Variants in RABGAP1L observed in about 807,000 individuals in gnomAD.
RABGAP1L encodes RAB GTPase activating protein 1 like.
RABGAP1L carries 63 observed loss-of-function variants against 137.7 expected under a neutral mutation model. That is an observed-to-expected ratio of 0.46 (90% CI 0.37 to 0.56). The LOEUF is 0.56. Among genes scored for constraint, RABGAP1L ranks in the 20% least tolerant of loss-of-function variants. RABGAP1L has a pLI of 0.00. For missense variants in RABGAP1L, 1,095 were observed against 1,244.0 expected, an observed-to-expected ratio of 0.88 and a Z score of 1.80; for synonymous variants, 431 against 433.7, an observed-to-expected ratio of 0.99 and a Z score of 0.08.
intron 19 of RABGAP1L, among the ~76,000 whole-genome samples, chr1:174,867,451 A>G (rs1157304302): frequency 2.6e-5 from 4 of 152,212 alleles, no homozygotes; most frequent in Non-Finnish European, 5.9e-5. Flanking sequence ...CTAAGATAAG[A>G]GAAATATAGA....
intron 5 of RABGAP1L, among the ~76,000 whole-genome samples, chr1:174,242,726 C>A (rs1671929844): frequency 6.6e-6 from 1 of 152,114 alleles, no homozygotes; most frequent in African/African-American, 2.4e-5. Flanking sequence ...AGAACCCATG[C>A]CTTCTGAAAG....
At chr1:174,719,134 C>T (rs532579712) in intron 17 of RABGAP1L, among the ~76,000 whole-genome samples, 71 of 152,172 alleles carry the variant, frequency 4.7e-4, no homozygotes, top group Non-Finnish European at 7.6e-4. Flanking sequence ...CCACCGCACC[C>T]GGCCTATAGT....
intron 7 of RABGAP1L, among the ~76,000 whole-genome samples, chr1:174,259,876 C>G (rs1181377004): frequency 1.3e-5 from 2 of 151,254 alleles, no homozygotes; most frequent in South Asian, 4.2e-4. Flanking sequence ...ACTCTGTCAC[C>G]CAGGCTGGAG....
intron 13 of RABGAP1L, chr1:174,547,718 T>C: frequency 2.3e-6 from 2 of 852,238 alleles, no homozygotes; most frequent in Non-Finnish European, 3.6e-6. Flanking sequence ...ACATGGGGAA[T>C]TTATCTGCAA....
intron 18 of RABGAP1L, among the ~76,000 whole-genome samples, chr1:174,766,086 A>G (rs1422093248): frequency 6.6e-6 from 1 of 152,206 alleles, no homozygotes; most frequent in Non-Finnish European, 1.5e-5. Flanking sequence ...TTAAGAGGAC[A>G]TTGGGACACA....
At chr1:174,585,773 G>A (rs1669067429) in intron 13 of RABGAP1L, among the ~76,000 whole-genome samples, 1 of 152,108 alleles carries the variant, frequency 6.6e-6, no homozygotes, top group South Asian at 2.1e-4. Context: ...CCTGAGCCTT[G>A]GGAGCTATAC....
At chr1:174,418,139 T>C (rs1202147102) in intron 13 of RABGAP1L, among the ~76,000 whole-genome samples, 1 of 152,204 alleles carries the variant, frequency 6.6e-6, no homozygotes, top group East Asian at 1.9e-4. Context: ...TGCTTACCGG[T>C]GCTTAGTGCC....
At chr1:174,894,133 A>G (rs753486194) in intron 19 of RABGAP1L, among the ~76,000 whole-genome samples, 1 of 152,238 alleles carries the variant, frequency 6.6e-6, no homozygotes, top group Non-Finnish European at 1.5e-5. Context: ...TGTTAAAACT[A>G]CACAATACCT....
At chr1:174,755,955 C>G (rs1404105784) in intron 18 of RABGAP1L, among the ~76,000 whole-genome samples, 1 of 152,116 alleles carries the variant, frequency 6.6e-6, no homozygotes, top group Non-Finnish European at 1.5e-5. Context: ...AACAATTTAT[C>G]CAATGGTCTT....
intron 18 of RABGAP1L, among the ~76,000 whole-genome samples, chr1:174,753,690 A>G (rs1328062165): frequency 1.3e-5 from 2 of 152,170 alleles, no homozygotes; most frequent in African/African-American, 4.8e-5. Context: ...CCAAGCTGAA[A>G]CTTTCCAACA....
chr1:174,326,080 G>C (rs1680414185), intron 11 of RABGAP1L, among the ~76,000 whole-genome samples: 1 of 152,134 alleles, frequency 6.6e-6, no homozygotes, highest in East Asian at 1.9e-4. Flanking sequence ...CACTAAAATA[G>C]ACTGATCACA....
intron 13 of RABGAP1L, among the ~76,000 whole-genome samples, chr1:174,598,823 A>T (rs1670190303): frequency 6.6e-6 from 1 of 151,796 alleles, no homozygotes; most frequent in Non-Finnish European, 1.5e-5. Flanking sequence ...TAGCCAAAAG[A>T]TCATTGGGTC....
At chr1:174,492,918 A>G (rs1660401782) in intron 13 of RABGAP1L, among the ~76,000 whole-genome samples, 1 of 151,344 alleles carries the variant, frequency 6.6e-6, no homozygotes, top group South Asian at 2.1e-4. Context: ...TTTCCATAGC[A>G]CCTTGTACTT....
intron 13 of RABGAP1L, among the ~76,000 whole-genome samples, chr1:174,407,748 CTT>C (rs1472574999): frequency 6.6e-6 from 1 of 152,046 alleles, no homozygotes; most frequent in Non-Finnish European, 1.5e-5. Flanking sequence ...TGTAATGTGA[CTT>C]TTCTGTGCTT....
At chr1:174,656,018 G>A (rs1675940425) in intron 14 of RABGAP1L, among the ~76,000 whole-genome samples, 1 of 152,154 alleles carries the variant, frequency 6.6e-6, no homozygotes. Context: ...TTATAGAGTT[G>A]TCATTGCTTA....
At chr1:174,197,186 C>T (rs1422453308) in intron 1 of RABGAP1L, among the ~76,000 whole-genome samples, 1 of 152,162 alleles carries the variant, frequency 6.6e-6, no homozygotes, top group African/African-American at 2.4e-5. Context: ...ATGGTAGATA[C>T]TGTTTTTCCT....
At chr1:174,325,865 G>A (rs1235750340) in intron 11 of RABGAP1L, among the ~76,000 whole-genome samples, 1 of 152,220 alleles carries the variant, frequency 6.6e-6, no homozygotes, top group Non-Finnish European at 1.5e-5. Flanking sequence ...GCATCATGCT[G>A]CAAGAAGCAC....
chr1:174,864,141 T>C (rs912038894), intron 19 of RABGAP1L, among the ~76,000 whole-genome samples: 1 of 152,220 alleles, frequency 6.6e-6, no homozygotes, highest in African/African-American at 2.4e-5. Flanking sequence ...GGTTTTACTT[T>C]TGGTTGTTTG....
intron 12 of RABGAP1L, among the ~76,000 whole-genome samples, chr1:174,390,314 A>ATT (rs1687120087): frequency 6.6e-6 from 1 of 152,188 alleles, no homozygotes; most frequent in African/African-American, 2.4e-5. Context: ...TGGCCAAACA[A>ATT]GTGGCTGAGG....
Sources: allele counts gnomAD v4.1 joint callset (sites outside exome capture counted in the v4.1 genomes callset), GRCh38; gene constraint gnomAD v4.1.1; transcripts MANE v1.5; gene names NCBI Gene and HGNC (gene_info 2026-07-23, HGNC 2026-07-21).